Variants in REPS2 observed in about 807,000 individuals in gnomAD.
REPS2 encodes RALBP1 associated Eps domain containing 2.
A neutral mutation model predicts 53.6 loss-of-function variants in REPS2; 23 were observed. The observed-to-expected ratio is 0.43, with a 90% CI of 0.31 to 0.61. The LOEUF (loss-of-function observed/expected upper bound fraction) is 0.61. Among genes scored for constraint, REPS2 ranks in the 20% least tolerant of loss-of-function variants. REPS2 has a pLI of 0.11. For missense variants in REPS2, 446 were observed against 534.9 expected (o/e 0.83, Z 1.64); for synonymous variants, 238 against 218.6 (o/e 1.09, Z -0.78).
the REPS2 span, among the ~76,000 whole-genome samples, chrX:17,179,622 C>G: frequency 8.9e-6 from 1 of 111,987 alleles, no homozygotes; most frequent in Non-Finnish European, 1.9e-5. Context: ...TGAGGGCATA[C>G]ATAAATTATT....
intron 12 of REPS2, 110 bp downstream of exon 12, chrX:17,074,269 A>G: frequency 2.8e-6 from 2 of 722,751 alleles, no homozygotes; most frequent in Non-Finnish European, 4.3e-6. Context: ...TTTAGATGTA[A>G]AGCTTAGGAT....
chrX:17,047,887 A>G (rs968201715), intron 6 of REPS2, among the ~76,000 whole-genome samples: 1 of 112,861 alleles, frequency 8.9e-6, no homozygotes, highest in Non-Finnish European at 1.9e-5. Flanking sequence ...CAAACTTCAA[A>G]CTCAGGCTCG....
intron 1 of REPS2, among the ~76,000 whole-genome samples, chrX:16,968,703 C>T (rs2060823074): frequency 9.8e-6 from 1 of 101,552 alleles, no homozygotes; most frequent in South Asian, 4.5e-4. Flanking sequence ...GGGCTGACCC[C>T]CCCCACCTCC....
chrX:17,114,676 TAA>T (rs1019158526), intron 14 of REPS2, among the ~76,000 whole-genome samples: 1 of 112,543 alleles, frequency 8.9e-6, no homozygotes, highest in Non-Finnish European at 1.9e-5. Context: ...GAAATAGTGA[TAA>T]GACATATATT....
chrX:17,075,751 G>A lies in REPS2; in HGVS notation c.1380-1520G>A, dbSNP rs774506926. Among the ~76,000 whole-genome samples, 16 of 112,599 alleles carry A rather than the reference G, an allele frequency of 1.4e-4. 1 individual carries two copies. In the South Asian group the frequency reaches 5.8e-3, roughly 41 times the overall value. ...TGAAAATGAGGAATGTGCGCTGTGG[G>A]ATTGTGTGCTTAACAGTGTGCACGC... On this transcript the variant is annotated intron_variant, in intron 12 of 17. Transcript: ENST00000357277.
At chrX:17,026,109 A>T (rs1229296753) in intron 4 of REPS2, among the ~76,000 whole-genome samples, 1 of 111,949 alleles carries the variant, frequency 8.9e-6, no homozygotes, top group Non-Finnish European at 1.9e-5. Context: ...CATAATGGCA[A>T]TAGCTTTTGA....
At chrX:17,088,880 G>T (rs2062578601) in intron 13 of REPS2, among the ~76,000 whole-genome samples, 1 of 111,504 alleles carries the variant, frequency 9.0e-6, no homozygotes, top group Admixed American at 9.5e-5. Flanking sequence ...ACCACATCCT[G>T]CCCAGAATCT....
chrX:16,967,711 T>A (rs1390680243), intron 1 of REPS2, among the ~76,000 whole-genome samples: 1 of 111,287 alleles, frequency 9.0e-6, no homozygotes, highest in East Asian at 2.8e-4. Flanking sequence ...ATATATATAT[T>A]AATTTTCTTT....
At chrX:17,030,252 C>T (rs1302295024) in intron 5 of REPS2, among the ~76,000 whole-genome samples, 1 of 111,296 alleles carries the variant, frequency 9.0e-6, no homozygotes, top group Non-Finnish European at 1.9e-5. Flanking sequence ...TCTCTGTCTG[C>T]AGCTGTTGCC....
rs1185481723 is a variant in REPS2, at chrX:17,050,198, T to TCTTTCTTTCTTTCTTTC, written c.908-2184_908-2183insCTTTCTTTCTTTCTTTC. Among the ~76,000 whole-genome samples the TCTTTCTTTCTTTCTTTC allele has an allele frequency of 1.3e-4, 3 of 22,960 alleles. 1 individual carries two copies. The East Asian group carries it at 9.4e-3, about 72-fold the overall frequency. The allele number at this position is 22,960 out of a possible 115,157, so 19.9% of individuals were successfully genotyped here. A position where few individuals can be genotyped will look rare whatever the true frequency, so the allele number is the denominator to read the frequency against. ...TCTTTCTTTCTTTCTTTCTTTCTTT[T>TCTTTCTTTCTTTCTTTC]TTTTTTTTTTTTGACAGGGTCTTAC... On this transcript the variant is annotated intron_variant, in intron 6 of 17. Coordinates refer to ENST00000357277, the MANE Select transcript of REPS2 (RefSeq NM_004726.3).
At chrX:16,978,312 T>A (rs776414670) in intron 1 of REPS2, among the ~76,000 whole-genome samples, 1 of 111,862 alleles carries the variant, frequency 8.9e-6, no homozygotes, top group Non-Finnish European at 1.9e-5. Context: ...CAGAAATGAT[T>A]TCCTAATACT....
chrX:17,003,590 C>T (rs994419486), intron 1 of REPS2, among the ~76,000 whole-genome samples: 7 of 110,878 alleles, frequency 6.3e-5, no homozygotes, highest in African/African-American at 2.3e-4. Flanking sequence ...ACAGTCGAGG[C>T]GAGAGCAAAG....
Position 17,151,717 on chromosome X carries a change from T to C in REPS2, c.*4236T>C, listed in dbSNP as rs761946340. 3.6e-5 allele frequency: 4 copies of C among 112,265 alleles called. No individual in the cohort carries two copies. Among genetic ancestry groups the C allele is most frequent in the Non-Finnish European group, 7.5e-5 (4 of 53,235 alleles). 9.3% of individuals were successfully genotyped at this position (112,265 alleles called of 1,213,427 possible). On this transcript the variant is annotated 3_prime_UTR_variant, in exon 18 of 18. Coordinates refer to ENST00000357277, the MANE Select transcript of REPS2 (RefSeq NM_004726.3). The stretch of plus-strand genomic sequence containing the variant: ...CATTCTGAATGTGAACAAAATGAAA[T>C]AGTAGTTAAGAGGTGTTTTCCCACT...
intron 12 of REPS2, 137 bp downstream of exon 12, chrX:17,074,296 G>A (rs1020031538): frequency 4.1e-5 from 22 of 542,780 alleles, no homozygotes; most frequent in African/African-American, 2.6e-4. Flanking sequence ...CATTTCGCTC[G>A]TGCATGGCCT....
At position 16,994,829 on chromosome X, in the gene REPS2, A is replaced by G. The variant is rs897144014; in HGVS notation, c.274-11392A>G. 6.3e-5 allele frequency among the ~76,000 whole-genome samples: 7 copies of G among 111,675 alleles called. No homozygotes were observed. In the Admixed American group the frequency reaches 6.7e-4, roughly 11 times the overall value. The stretch of plus-strand genomic sequence containing the variant: ...TATTTAAATAATAATAAAAACAAAA[A>G]CAAATGCCTGTGTGGGTGGTGTCTG... On this transcript the variant is annotated intron_variant, in intron 1 of 17. Transcript: ENST00000357277.
intron 14 of REPS2, among the ~76,000 whole-genome samples, chrX:17,117,521 A>G (rs1453259955): frequency 3.6e-5 from 4 of 109,730 alleles, no homozygotes; most frequent in Middle Eastern, 4.6e-3. Context: ...GAGAACATGC[A>G]GTGTTTGGTT....
rs891928582 is a variant in REPS2, at chrX:17,150,073, C to A, written c.*2592C>A. On this transcript the variant is annotated 3_prime_UTR_variant, in exon 18 of 18. Coordinates refer to ENST00000357277, the MANE Select transcript of REPS2 (RefSeq NM_004726.3). ...TTTAAAAAACAGTTAAATGTGTGTG[C>A]ATAACACACAAGTAATGACACACTA... 3 of 112,708 alleles carry A rather than the reference C, an allele frequency of 2.7e-5. No homozygotes were observed. Among genetic ancestry groups the A allele is most frequent in the Admixed American group, 9.4e-5 (1 of 10,689 alleles). The allele number at this position is 112,708 out of a possible 1,213,427, so 9.3% of individuals were successfully genotyped here.
intron 1 of REPS2, among the ~76,000 whole-genome samples, chrX:16,951,559 A>ACACACACACACACCCCC (rs879259718): frequency 2.7e-5 from 1 of 37,509 alleles, no homozygotes; most frequent in Admixed American, 2.9e-4. Flanking sequence ...ACACACACAC[A>ACACACACACACACCCCC]CCCCCGCTAC....
intron 16 of REPS2, chrX:17,136,933 T>A (rs1169131051): frequency 8.9e-6 from 1 of 112,617 alleles, no homozygotes; most frequent in Non-Finnish European, 1.9e-5. Context: ...TAGCATAATA[T>A]TTTCAAGGTT....
Sources: allele counts gnomAD v4.1 joint callset (sites outside exome capture counted in the v4.1 genomes callset), GRCh38; gene constraint gnomAD v4.1.1; transcripts MANE v1.5; gene names NCBI Gene and HGNC (gene_info 2026-07-23, HGNC 2026-07-21).